Variants in BANK1 observed in about 807,000 individuals in gnomAD.
BANK1 encodes B-cell scaffold protein with ankyrin repeats.
BANK1 carries 95 observed loss-of-function variants against 94.5 expected under a neutral mutation model. The ratio of observed to expected loss-of-function variants is 1.00; its 90% CI spans 0.85 to 1.19. The LOEUF is 1.19. Ranked by LOEUF, BANK1 falls within the 50% of genes most tolerant of loss-of-function variation. BANK1 has a pLI of 0.00. For missense variants in BANK1, 987 were observed against 932.2 expected (o/e 1.06, Z -0.77); for synonymous variants, 334 against 308.4 (o/e 1.08, Z -0.87).
At chr4:101,922,862 C>T (rs758092538) in intron 7 of BANK1, among the ~76,000 whole-genome samples, 3 of 151,926 alleles carry the variant, frequency 2.0e-5, no homozygotes, top group Non-Finnish European at 2.9e-5. Flanking sequence ...GAATCTCTTT[C>T]AAAAATCTGG....
intron 6 of BANK1, among the ~76,000 whole-genome samples, chr4:101,915,318 T>C (rs1332257565): frequency 6.6e-6 from 1 of 152,128 alleles, no homozygotes; most frequent in Non-Finnish European, 1.5e-5. Flanking sequence ...ACAATCTGGC[T>C]CCAAAGTCCT....
rs779284948 is a variant in BANK1 at position 102,073,715 on chromosome 4, T to G, written c.2330T>G (p.Phe777Cys). 38 of 1,611,688 alleles carry G rather than the reference T, an allele frequency of 2.4e-5. No individual in the cohort carries two copies. Among genetic ancestry groups the G allele is most frequent in the Non-Finnish European group, 3.1e-5 (36 of 1,178,774 alleles). Residue 777 changes from phenylalanine (F) to cysteine (C), a missense_variant, in exon 16 of 17, where the codon TTT (phenylalanine) becomes TGT (cysteine). By Grantham distance (205) the Phe-to-Cys change is radical. Transcript: ENST00000322953. ...GCTCGACCCCAAGTTGAAAAGGAAT[T>G]TGGTTTCTGTTGCAAGAAAGATCAT... ...LPARPQVEKEFGFCCKKDH is the reference protein window; with the variant it reads ...LPARPQVEKECGFCCKKDH
chr4:101,849,400 A>G (rs11940934), intron 2 of BANK1, among the ~76,000 whole-genome samples: 44,558 of 151,990 alleles, frequency 0.29, 7,076 homozygotes, highest in Non-Finnish European at 0.35. Flanking sequence ...TAAGTTTCAG[A>G]CCCACTTCTG....
chr4:101,826,866 C>A (rs1384491136), intron 1 of BANK1, among the ~76,000 whole-genome samples: 5 of 151,830 alleles, frequency 3.3e-5, no homozygotes. Context: ...AAAGCATCTG[C>A]CCTCAGAGAT....
intron 11 of BANK1, among the ~76,000 whole-genome samples, chr4:102,058,626 G>A (rs768333168): frequency 6.6e-6 from 1 of 151,340 alleles, no homozygotes; most frequent in East Asian, 1.9e-4. Context: ...GTAGTAAAGT[G>A]CCTAAATCAT....
At chr4:101,924,399 A>C (rs1478527202) in intron 7 of BANK1, among the ~76,000 whole-genome samples, 1 of 151,868 alleles carries the variant, frequency 6.6e-6, no homozygotes, top group African/African-American at 2.4e-5. Flanking sequence ...TAAATGATTT[A>C]TATTTTCATA....
intron 7 of BANK1, among the ~76,000 whole-genome samples, chr4:101,944,591 A>G (rs1723869529): frequency 6.6e-6 from 1 of 151,528 alleles, no homozygotes; most frequent in African/African-American, 2.4e-5. Flanking sequence ...CTAGAGAAGG[A>G]AAAAAAAATC....
chr4:101,911,150 TG>T (rs1722650472), intron 6 of BANK1, among the ~76,000 whole-genome samples: 1 of 152,192 alleles, frequency 6.6e-6, no homozygotes, highest in South Asian at 2.1e-4. Context: ...AGCTGGGACT[TG>T]GATCCAGGCA....
chr4:101,914,804 T>C (rs1014818064), intron 6 of BANK1, among the ~76,000 whole-genome samples: 1 of 152,172 alleles, frequency 6.6e-6, no homozygotes, highest in East Asian at 1.9e-4. Context: ...TGCTTTCAAG[T>C]GCTTAGAAAT....
At chr4:102,041,926 C>A (rs1727715930) in intron 10 of BANK1, among the ~76,000 whole-genome samples, 1 of 151,904 alleles carries the variant, frequency 6.6e-6, no homozygotes, top group South Asian at 2.1e-4. Flanking sequence ...CAAATTAATG[C>A]CAAAAAGCTG....
intron 7 of BANK1, among the ~76,000 whole-genome samples, chr4:101,996,550 C>T (rs1352282199): frequency 2.6e-5 from 4 of 152,142 alleles, no homozygotes; most frequent in African/African-American, 9.7e-5. Context: ...TTGATTCTTC[C>T]TTTCTATGAG....
At chr4:102,024,998 C>CT (rs1727034976) in intron 8 of BANK1, among the ~76,000 whole-genome samples, 1 of 152,148 alleles carries the variant, frequency 6.6e-6, no homozygotes, top group African/African-American at 2.4e-5. Flanking sequence ...CATAATGGAG[C>CT]TTTGACTGTT....
intron 7 of BANK1, among the ~76,000 whole-genome samples, chr4:101,990,651 T>C (rs990080145): frequency 4.6e-5 from 7 of 152,204 alleles, no homozygotes; most frequent in African/African-American, 1.4e-4. Flanking sequence ...AAGGAAGATC[T>C]ATATCCAAAA....
In BANK1 at chr4:101,944,145, C is replaced by A. The variant is rs371080420; in HGVS notation, c.1206+25956C>A. 3.9e-3 allele frequency among the ~76,000 whole-genome samples: 587 copies of A among 151,586 alleles called. 35 individuals are homozygous for A. In the South Asian group the frequency reaches 0.11, roughly 27 times the overall value. ...AACTGATTTAATACTCCTCAGTAAG[C>A]CGGTTTTCCTTATAGTCAATGTATC... On this transcript the variant is annotated intron_variant, in intron 7 of 16. Transcript: ENST00000322953.
intron 11 of BANK1, among the ~76,000 whole-genome samples, chr4:102,058,733 T>C (rs1223888764): frequency 6.7e-6 from 1 of 148,594 alleles, no homozygotes. Flanking sequence ...CAGATTTATG[T>C]AAAAATAGAT....
intron 5 of BANK1, among the ~76,000 whole-genome samples, chr4:101,882,666 T>C (rs1264067529): frequency 6.6e-6 from 1 of 152,216 alleles, no homozygotes; most frequent in Non-Finnish European, 1.5e-5. Flanking sequence ...AAGCTCTGTT[T>C]CCTTAGGGCT....
intron 5 of BANK1, among the ~76,000 whole-genome samples, chr4:101,874,972 G>A (rs1038441353): frequency 1.5e-3 from 227 of 152,298 alleles, no homozygotes; most frequent in African/African-American, 5.3e-3. Context: ...AAGATAGAAA[G>A]TGAGAGGAAG....
chr4:102,056,160 C>T (rs1398634116), intron 11 of BANK1, among the ~76,000 whole-genome samples: 8 of 152,174 alleles, frequency 5.3e-5, no homozygotes, highest in African/African-American at 1.7e-4. Context: ...AGTACAAACA[C>T]TCCCTCATCC....
intron 12 of BANK1, chr4:102,062,516 A>T (rs1230181178): frequency 6.6e-6 from 1 of 152,264 alleles, no homozygotes; most frequent in Admixed American, 6.5e-5. Context: ...CATTTTGCTT[A>T]AAAAGATAAT....
Sources: gnomAD v4.1 joint callset for allele counts (sites outside exome capture counted in the v4.1 genomes callset) on GRCh38, gnomAD v4.1.1 for gene constraint, MANE v1.5 for transcripts, NCBI Gene and HGNC (gene_info 2026-07-23, HGNC 2026-07-21) for gene names.